The following CFAP57 variants were observed in gnomAD, a reference collection of about 807,000 sequenced individuals.
CFAP57 encodes the protein cilia and flagella associated protein 57.
A neutral mutation model predicts 146.8 loss-of-function variants in CFAP57; 116 were observed. The observed-to-expected ratio is 0.79, with a 90% confidence interval of 0.68 to 0.92. The LOEUF (loss-of-function observed/expected upper bound fraction) is 0.92, where lower values mean the gene tolerates loss of function less well. CFAP57 is among the 40% of genes least tolerant of loss of function. The pLI is 0.00. For synonymous variants in CFAP57, 518 were observed against 552.8 expected, an observed-to-expected ratio of 0.94 and a Z score of 0.88; for missense variants, 1,377 against 1,527.2, an observed-to-expected ratio of 0.90 and a Z score of 1.64.
chr1:43,215,268 T>C lies in CFAP57; in HGVS notation c.1943T>C (p.Phe648Ser). 6.4e-7 allele frequency: 1 copy of C among 1,551,192 alleles called. No individual in the cohort carries two copies. The highest frequency in any genetic ancestry group is 8.7e-7 in the Non-Finnish European group (1 of 1,147,072). Residue 648 changes from phenylalanine to serine, a missense_variant, in exon 12 of 23, where the codon TTT (phenylalanine) becomes TCT (serine). By Grantham distance (155) the Phe-to-Ser change is radical (BLOSUM62 -2). Coordinates refer to ENST00000372492, the MANE Select transcript of CFAP57 (RefSeq NM_001378189.1). Reference sequence around the variant, plus strand: ...TTTTCTCTTCAGATGTTGCTTACCTTTGATGATCAGTTCCTGCTGACTGCT... The same window carrying C: ...TTTTCTCTTCAGATGTTGCTTACCTCTGATGATCAGTTCCTGCTGACTGCT... The part of the protein sequence containing the change: ...AGPITKMLLT[F>S]DDQFLLTAAE...
chr1:43,219,585 A>G, intron 13 of CFAP57, 48 bp downstream of exon 13: 1 of 1,546,574 alleles, frequency 6.5e-7, no homozygotes, highest in Non-Finnish European at 8.7e-7. Context: ...AGAAATTTCC[A>G]CTTTCAAGAC....
At chr1:43,176,137 A>G (rs1645163123) in intron 2 of CFAP57, among the ~76,000 whole-genome samples, 1 of 152,072 alleles carries the variant, frequency 6.6e-6, no homozygotes, top group Admixed American at 6.6e-5. Context: ...CCCTGTGCCC[A>G]TCCTTCAGGC....
chr1:43,179,663 C>G (rs1327125993), intron 2 of CFAP57, among the ~76,000 whole-genome samples: 1 of 152,134 alleles, frequency 6.6e-6, no homozygotes, highest in Non-Finnish European at 1.5e-5. Context: ...TTCCCTTATG[C>G]TTTTTACCTC....
chr1:43,199,302 C>T, intron 8 of CFAP57, 88 bp from the exon 9 acceptor site: 2 of 1,264,408 alleles, frequency 1.6e-6, no homozygotes, highest in East Asian at 2.3e-5. Context: ...TCAGTCTGAA[C>T]TCGTTGGGAA....
intron 18 of CFAP57, among the ~76,000 whole-genome samples, chr1:43,229,126 C>T (rs544046247): frequency 6.7e-6 from 1 of 149,200 alleles, no homozygotes; most frequent in East Asian, 2.1e-4. Flanking sequence ...GCCCCACCCA[C>T]CTGGAGGGCC....
chr1:43,182,918 T>C (rs1331178386), intron 3 of CFAP57, among the ~76,000 whole-genome samples: 1 of 152,220 alleles, frequency 6.6e-6, no homozygotes, highest in African/African-American at 2.4e-5. Flanking sequence ...ATATTCGTCT[T>C]TACAATGGTA....
At position 43,186,949 on chromosome 1, in the gene CFAP57, A is replaced by G. The variant is rs1022774893; in HGVS notation, c.1122+90A>G. 6.6e-6 allele frequency: 10 copies of G among 1,505,814 alleles called. No individual in the cohort carries two copies. The African/African-American group carries it at 9.6e-5, about 14-fold the overall frequency. The allele number at this position is 1,505,814 out of a possible 1,614,324, so 93.3% of individuals were successfully genotyped here. ...CATGTGGGCAAATTTTAATCCAAAT[A>G]AGTTAGCATAAACTCATGCATCCCC... On this transcript the variant is annotated intron_variant, in intron 6 of 22. Coordinates refer to ENST00000372492, the MANE Select transcript of CFAP57 (RefSeq NM_001378189.1).
At position 43,200,793 on chromosome 1, in the gene CFAP57, C is replaced by T. The variant is rs773640977; in HGVS notation, c.1542+1290C>T. Among the ~76,000 whole-genome samples the T allele has an allele frequency of 1.1e-4, 17 of 152,168 alleles. No individual in the cohort carries two copies. The East Asian group carries it at 2.1e-3, about 19-fold the overall frequency. ...AGGGAGTAGGAAAGGTTGGCTGCAT[C>T]GCAGAAGGTAGTGTATGCCATGCCA... On this transcript the variant is annotated intron_variant, in intron 9 of 22. Coordinates refer to ENST00000372492, the MANE Select transcript of CFAP57 (RefSeq NM_001378189.1).
At position 43,227,109 on chromosome 1, in the gene CFAP57, A is replaced by G; in HGVS notation, c.2992A>G (p.Lys998Glu). 6.5e-7 allele frequency: 1 copy of G among 1,539,612 alleles called. No individual in the cohort carries two copies. Among genetic ancestry groups the G allele is most frequent in the Non-Finnish European group, 8.8e-7 (1 of 1,141,854 alleles). The change falls in exon 18 of 23, where the codon AAG (lysine) becomes GAG (glutamate). Residue 998 changes from lysine to glutamate, a missense_variant. Physicochemically the swap from Lys to Glu is moderately conservative, Grantham distance 56. Coordinates refer to ENST00000372492, the MANE Select transcript of CFAP57 (RefSeq NM_001378189.1). ...EPRENEIRVM[K>E]EQIQEMEAEL... Reference sequence around the variant, plus strand: ...TCGAGAGAATGAGATCAGGGTGATGAAGGAACAGATTCAGGAGGTAAGAAG... The same window carrying G: ...TCGAGAGAATGAGATCAGGGTGATGGAGGAACAGATTCAGGAGGTAAGAAG...
intron 4 of CFAP57, chr1:43,184,803 T>C (rs1301016542): frequency 9.0e-6 from 2 of 222,188 alleles, no homozygotes; most frequent in African/African-American, 5.2e-5. Context: ...AAAGTCTCTA[T>C]AACCTTCTCC....
intron 9 of CFAP57, among the ~76,000 whole-genome samples, chr1:43,200,421 A>T (rs1644067768): frequency 6.6e-6 from 1 of 151,576 alleles, no homozygotes; most frequent in Admixed American, 6.6e-5. Flanking sequence ...CAGGAGGTCA[A>T]GGCTGCAATA....
rs181289103 is a variant in CFAP57 at position 43,199,105 on chromosome 1, C to T, written c.1429-285C>T. ...GCAATGATTTCAGGAATTACTTCCC[C>T]GGCTCTGAAACATGCTTCTACAGGC... On this transcript the variant is annotated intron_variant, in intron 8 of 22. Transcript: ENST00000372492. 6.4e-4 allele frequency among the ~76,000 whole-genome samples: 97 copies of T among 152,256 alleles called. 1 individual carries two copies. Among genetic ancestry groups the T allele is most frequent in the African/African-American group, 1.7e-3 (69 of 41,552 alleles).
At position 43,208,350 on chromosome 1, in the gene CFAP57, C is replaced by T. The variant is rs145339853; in HGVS notation, c.1756-1393C>T. On this transcript the variant is annotated intron_variant, in intron 10 of 22. Coordinates refer to ENST00000372492, the MANE Select transcript of CFAP57 (RefSeq NM_001378189.1). ...ATGCTGCTATAAAGACACATGCACA[C>T]GTATGTTTATTGTGGCACTATTCAC... is the stretch of plus-strand genomic sequence containing the variant. 1.8e-3 allele frequency among the ~76,000 whole-genome samples: 274 copies of T among 152,204 alleles called. 3 individuals carry two copies. The highest frequency in any genetic ancestry group is 0.017 in the Admixed American group (260 of 15,294).
At chr1:43,184,169 A>G (rs1460158152) in intron 4 of CFAP57, among the ~76,000 whole-genome samples, 1 of 152,202 alleles carries the variant, frequency 6.6e-6, no homozygotes, top group Non-Finnish European at 1.5e-5. Context: ...CCAGTGGCTA[A>G]TTTAATGAAT....
chr1:43,215,193 G>T, intron 11 of CFAP57, 62 bp from the exon 12 acceptor site: 1 of 1,543,878 alleles, frequency 6.5e-7, no homozygotes, highest in Non-Finnish European at 8.8e-7. Flanking sequence ...CGCAACAGCT[G>T]GCTCAGCCCT....
chr1:43,188,907 A>G (rs1223660136), intron 6 of CFAP57, among the ~76,000 whole-genome samples: 1 of 152,212 alleles, frequency 6.6e-6, no homozygotes, highest in Non-Finnish European at 1.5e-5. Context: ...CTAGGTCTTT[A>G]ATCCGTTTTG....
Position 43,180,239 on chromosome 1 carries a change from A to ATATATATATATAT in CFAP57, c.158-1295_158-1294insTATATATATATAT, listed in dbSNP as rs779998085. 6.2e-5 allele frequency among the ~76,000 whole-genome samples: 9 copies of ATATATATATATAT among 144,998 alleles called. 1 individual carries two copies. In the South Asian group the frequency reaches 1.3e-3, roughly 21 times the overall value. ...ATATATATTTTATATATATATATATAAAATATATATACACACATATATTAT... is the reference window on the plus strand; with the variant it reads ...ATATATATTTTATATATATATATATATATATATATATATAAATATATATACACACATATATTAT... On this transcript the variant is annotated intron_variant, in intron 2 of 22. Coordinates refer to ENST00000372492, the MANE Select transcript of CFAP57 (RefSeq NM_001378189.1).
chr1:43,214,105 CAA>C (rs1473228970), intron 11 of CFAP57, among the ~76,000 whole-genome samples: 1 of 151,898 alleles, frequency 6.6e-6, no homozygotes, highest in African/African-American at 2.4e-5. Context: ...AGGCCGGTCT[CAA>C]ACTCCTGACC....
chr1:43,230,302 T>C (rs1645415490), intron 18 of CFAP57, among the ~76,000 whole-genome samples: 1 of 152,204 alleles, frequency 6.6e-6, no homozygotes, highest in Admixed American at 6.5e-5. Flanking sequence ...CCTAGGACGC[T>C]ATCATCTGCC....
Sources: gnomAD v4.1 joint callset for allele counts (sites outside exome capture counted in the v4.1 genomes callset) on GRCh38, gnomAD v4.1.1 for gene constraint, MANE v1.5 for transcripts, NCBI Gene and HGNC (gene_info 2026-07-23, HGNC 2026-07-21) for gene names.